Variants in ZNF831 observed in about 807,000 individuals in gnomAD.
The protein encoded by ZNF831 is chromosome 20 open reading frame 174.
A neutral mutation model predicts 95.8 loss-of-function variants in ZNF831; 59 were observed. That is an observed-to-expected ratio of 0.62 (90% CI 0.50 to 0.77). The LOEUF (loss-of-function observed/expected upper bound fraction) is 0.77, where lower values mean the gene tolerates loss of function less well. ZNF831 is among the 30% of genes least tolerant of loss of function. The probability of loss-of-function intolerance (pLI) is 0.00; values close to 1 mark genes in which losing one functional copy is unlikely to be tolerated. For missense variants in ZNF831, 2,205 were observed against 2,164.0 expected (o/e 1.02, Z -0.38); for synonymous variants, 961 against 925.5 (o/e 1.04, Z -0.70).
At chr20:59,168,446 T>A (rs1981457349) in intron 1 of ZNF831, among the ~76,000 whole-genome samples, 1 of 146,580 alleles carries the variant, frequency 6.8e-6, no homozygotes, top group Non-Finnish European at 1.5e-5. Flanking sequence ...CACTTATTAG[T>A]GCGAGGAGGT....
chr20:59,239,598 G>A (rs1331062051), intron 4 of ZNF831, among the ~76,000 whole-genome samples: 1 of 142,994 alleles, frequency 7.0e-6, no homozygotes, highest in East Asian at 2.0e-4. Context: ...CGCCCAGGCT[G>A]GAGTATAGTG....
At chr20:59,249,499 GT>G (rs1241460234) in intron 4 of ZNF831, among the ~76,000 whole-genome samples, 4 of 152,106 alleles carry the variant, frequency 2.6e-5, no homozygotes, top group Admixed American at 2.6e-4. Flanking sequence ...CGTCACCTTT[GT>G]TTTGTTCTTC....
chr20:59,238,811 C>G (rs1325321466), intron 4 of ZNF831, among the ~76,000 whole-genome samples: 1 of 150,830 alleles, frequency 6.6e-6, no homozygotes, highest in Admixed American at 6.6e-5. Context: ...CTCGTCCTCT[C>G]CCCCTTGTAT....
chr20:59,135,679 C>T (rs1037254336), intron 1 of ZNF831, among the ~76,000 whole-genome samples: 4 of 151,922 alleles, frequency 2.6e-5, no homozygotes, highest in South Asian at 4.2e-4. Context: ...GGCAGTGAGC[C>T]GAGACTGTGC....
chr20:59,248,159 C>A (rs1987712015), intron 4 of ZNF831, among the ~76,000 whole-genome samples: 1 of 152,144 alleles, frequency 6.6e-6, no homozygotes, highest in South Asian at 2.1e-4. Context: ...GAGATGGTCT[C>A]TCTAATAAGA....
In ZNF831 at chr20:59,191,981, C is replaced by A. The variant is rs763032383; in HGVS notation, c.962C>A (p.Thr321Lys). Residue 321 changes from threonine to lysine, a missense_variant, in exon 2 of 6, where the codon ACG becomes AAG. Coordinates refer to ENST00000371030, the MANE Select transcript of ZNF831 (RefSeq NM_178457.3). The stretch of plus-strand genomic sequence containing the variant: ...TGCGCCCTGCAGCGGCAGCAGGCGA[C>A]GGCAGCGGAGAAGCCCTGGGATGCC... ...KPCALQRQQA[T>K]AAEKPWDAKA... 2 of 1,606,618 alleles carry A rather than the reference C, an allele frequency of 1.2e-6. No homozygotes were observed. The highest frequency in any genetic ancestry group is 2.2e-5 in the South Asian group (2 of 90,744).
At chr20:59,225,852 A>G (rs1295068776) in intron 4 of ZNF831, among the ~76,000 whole-genome samples, 2 of 152,160 alleles carry the variant, frequency 1.3e-5, no homozygotes, top group Non-Finnish European at 2.9e-5. Flanking sequence ...CCAGCTCAAA[A>G]AGGTTTAAGC....
At chr20:59,171,345 T>C (rs576565321) in intron 1 of ZNF831, among the ~76,000 whole-genome samples, 1 of 152,388 alleles carries the variant, frequency 6.6e-6, no homozygotes, top group Non-Finnish European at 1.5e-5. Flanking sequence ...CAGCATGTAT[T>C]GAATGGCATT....
intron 3 of ZNF831, among the ~76,000 whole-genome samples, chr20:59,196,693 T>A (rs543545202): frequency 6.6e-6 from 1 of 152,296 alleles, no homozygotes; most frequent in African/African-American, 2.4e-5. Context: ...CATTCTCTAA[T>A]CCACATTCTA....
chr20:59,150,325 G>A (rs536761047), intron 2 of ZNF831, among the ~76,000 whole-genome samples: 28 of 152,212 alleles, frequency 1.8e-4, no homozygotes, highest in African/African-American at 6.5e-4. Flanking sequence ...TGAGAAAACA[G>A]GATATAAGTC....
At chr20:59,212,191 TA>T (rs1985386850) in intron 4 of ZNF831, among the ~76,000 whole-genome samples, 1 of 152,128 alleles carries the variant, frequency 6.6e-6, no homozygotes, top group African/African-American at 2.4e-5. Context: ...GAGAGTTTTT[TA>T]AAAAAATATT....
chr20:59,204,737 G>A (rs1194265772), intron 3 of ZNF831, among the ~76,000 whole-genome samples: 1 of 152,144 alleles, frequency 6.6e-6, no homozygotes, highest in Non-Finnish European at 1.5e-5. Context: ...GGGTGCGGAG[G>A]TGCAGCCTGA....
At position 59,171,717 on chromosome 20, in the gene ZNF831, A is replaced by G. The variant is rs114267741; in HGVS notation, c.-37+7510A>G. Among the ~76,000 whole-genome samples the G allele has an allele frequency of 8.6e-3, 1,310 of 152,350 alleles. 16 individuals carry two copies. The highest frequency in any genetic ancestry group is 0.03 in the African/African-American group (1,244 of 41,574). On this transcript the variant is annotated intron_variant, in intron 1 of 5. Transcript: ENST00000371030. ...AGTAGAGAATGATTAGTAAAGATAA[A>G]ATAAAACTCATTCATATAACACACA...
At chr20:59,200,106 A>G (rs895545750) in intron 3 of ZNF831, among the ~76,000 whole-genome samples, 10 of 152,130 alleles carry the variant, frequency 6.6e-5, no homozygotes, top group Non-Finnish European at 1.0e-4. Context: ...AAAGTCTTTT[A>G]TCTCTGGCTA....
At chr20:59,249,348 A>G (rs1987772189) in intron 4 of ZNF831, among the ~76,000 whole-genome samples, 1 of 151,626 alleles carries the variant, frequency 6.6e-6, no homozygotes, top group Non-Finnish European at 1.5e-5. Context: ...GTTAATTGTT[A>G]CTGCCTGTAA....
rs77845367 is a variant in ZNF831, at chr20:59,166,589, C to A, written c.-37+2382C>A. ...GCTCTCCTCCTCTCTCTCTCCCCCC[C>A]AACCCCTTAACCCCAAGCAATCACT... On this transcript the variant is annotated intron_variant, in intron 1 of 5. Transcript: ENST00000371030. 6.5e-3 allele frequency among the ~76,000 whole-genome samples: 994 copies of A among 152,226 alleles called. 7 individuals carry two copies. The highest frequency in any genetic ancestry group is 0.011 in the Non-Finnish European group (741 of 68,008).
intron 1 of ZNF831, among the ~76,000 whole-genome samples, chr20:59,181,364 C>A (rs1382882084): frequency 6.6e-6 from 1 of 152,166 alleles, no homozygotes; most frequent in Non-Finnish European, 1.5e-5. Context: ...TGTGCAGAAG[C>A]TCTTTAGTTT....
At chr20:59,179,899 A>G (rs1982480112) in intron 1 of ZNF831, among the ~76,000 whole-genome samples, 1 of 152,158 alleles carries the variant, frequency 6.6e-6, no homozygotes, top group South Asian at 2.1e-4. Context: ...CCTTACATAA[A>G]GCTGCCCTCA....
chr20:59,189,107 G>A (rs1983299237), intron 1 of ZNF831, among the ~76,000 whole-genome samples: 1 of 151,974 alleles, frequency 6.6e-6, no homozygotes, highest in African/African-American at 2.4e-5. Flanking sequence ...CTTGAATCCA[G>A]GAGGCAGAGG....
Sources: gnomAD v4.1 joint callset for allele counts (sites outside exome capture counted in the v4.1 genomes callset) on GRCh38, gnomAD v4.1.1 for gene constraint, MANE v1.5 for transcripts, NCBI Gene and HGNC (gene_info 2026-07-23, HGNC 2026-07-21) for gene names.